The following TM9SF4 variants were observed in gnomAD, a reference collection of about 807,000 sequenced individuals.
TM9SF4 encodes the protein transmembrane 9 superfamily member 4.
In TM9SF4, 26 loss-of-function variants were observed where a neutral mutation model predicts 90.4. The observed-to-expected ratio is 0.29, with a 90% confidence interval of 0.21 to 0.40. TM9SF4 has a LOEUF of 0.40. TM9SF4 is among the 10% of genes least tolerant of loss of function. The pLI is 1.00. For missense variants in TM9SF4, 549 were observed against 834.8 expected, an observed-to-expected ratio of 0.66 and a Z score of 4.22; for synonymous variants, 293 against 315.4, an observed-to-expected ratio of 0.93 and a Z score of 0.75.
At chr20:32,133,314 T>C (rs2046547644) in intron 2 of TM9SF4, among the ~76,000 whole-genome samples, 188 bp downstream of exon 2, 1 of 152,174 alleles carries the variant, frequency 6.6e-6, no homozygotes, top group Admixed American at 6.5e-5. Flanking sequence ...GTTCTTTCTG[T>C]GTCTCTGTCC....
chr20:32,121,156 A>G (rs1369655628), intron 1 of TM9SF4, among the ~76,000 whole-genome samples: 4 of 151,152 alleles, frequency 2.6e-5, no homozygotes. Flanking sequence ...AAGTGAAAAA[A>G]GGCTATACAT....
At chr20:32,118,129 G>A (rs2046253619) in intron 1 of TM9SF4, among the ~76,000 whole-genome samples, 1 of 152,184 alleles carries the variant, frequency 6.6e-6, no homozygotes, top group South Asian at 2.1e-4. Flanking sequence ...TTGGAACAGT[G>A]TCCAGGGGTT....
intron 1 of TM9SF4, among the ~76,000 whole-genome samples, chr20:32,131,025 TGACA>T (rs1304428201): frequency 4.6e-5 from 7 of 152,036 alleles, no homozygotes; most frequent in African/African-American, 2.4e-5. Flanking sequence ...TAAAAAAAAA[TGACA>T]GAGGGAAAAA....
chr20:32,109,730 G>A lies in TM9SF4; in HGVS notation c.-11G>A. 6.4e-7 allele frequency: 1 copy of A among 1,551,632 alleles called. No homozygotes were observed. The highest frequency in any genetic ancestry group is 8.7e-7 in the Non-Finnish European group (1 of 1,146,992). Reference sequence around the variant, plus strand: ...TCCGCTGACGTCATTACGGCGACACGTGGATCCAAGATGGCGACGGCGATG... The same window carrying A: ...TCCGCTGACGTCATTACGGCGACACATGGATCCAAGATGGCGACGGCGATG... On this transcript the variant is annotated 5_prime_UTR_variant, in exon 1 of 18. In the 5' UTR this introduces an upstream ATG that the reference lacks. Coordinates refer to ENST00000398022, the MANE Select transcript of TM9SF4 (RefSeq NM_014742.4).
rs2047055112 is a variant in TM9SF4 at position 32,163,352 on chromosome 20, C to T, written c.1780-1943C>T. ...CAGGGCTCTGTGCCCACGCCTTAGC[C>T]CTGTGTATCTTTTTTTGGCCTCAGT... is the stretch of plus-strand genomic sequence containing the variant. On this transcript the variant is annotated intron_variant, in intron 17 of 17. Coordinates refer to ENST00000398022, the MANE Select transcript of TM9SF4 (RefSeq NM_014742.4). Among the ~76,000 whole-genome samples the T allele has an allele frequency of 2.7e-5, 4 of 145,772 alleles. No homozygotes were observed. In the Admixed American group the frequency reaches 2.8e-4, roughly 10 times the overall value.
At chr20:32,126,596 G>A (rs915986847) in intron 1 of TM9SF4, among the ~76,000 whole-genome samples, 1 of 152,132 alleles carries the variant, frequency 6.6e-6, no homozygotes, top group African/African-American at 2.4e-5. Context: ...GAGCATCTGG[G>A]ACCTAGTGTT....
intron 1 of TM9SF4, among the ~76,000 whole-genome samples, chr20:32,114,678 A>G (rs575909095): frequency 7.2e-5 from 11 of 152,260 alleles, no homozygotes; most frequent in African/African-American, 2.6e-4. Flanking sequence ...AGGTTGGATG[A>G]TAGAGTCCTG....
intron 3 of TM9SF4, among the ~76,000 whole-genome samples, chr20:32,140,765 A>G (rs564565949): frequency 6.6e-6 from 1 of 152,244 alleles, no homozygotes; most frequent in Admixed American, 6.5e-5. Flanking sequence ...TGCTGCCCTC[A>G]CACAGGGCAG....
intron 14 of TM9SF4, 50 bp from the exon 15 acceptor site, chr20:32,158,401 C>G: frequency 6.3e-7 from 1 of 1,593,296 alleles, no homozygotes; most frequent in Non-Finnish European, 8.6e-7. Context: ...GAGCTTGGGG[C>G]TTCCTGGTGG....
chr20:32,116,034 C>T (rs1360020832), intron 1 of TM9SF4: 1 of 151,990 alleles, frequency 6.6e-6, no homozygotes, highest in African/African-American at 2.4e-5. Flanking sequence ...GTTGGCCAGG[C>T]TGGTCTCGAA....
intron 14 of TM9SF4, 34 bp from the exon 15 acceptor site, chr20:32,158,417 T>C: frequency 2.5e-6 from 4 of 1,612,534 alleles, no homozygotes; most frequent in Non-Finnish European, 3.4e-6. Flanking sequence ...GGTGGCCTGG[T>C]CTCTAACAAT....
At chr20:32,126,068 A>AACACACACAC (rs71185382) in intron 1 of TM9SF4, among the ~76,000 whole-genome samples, 12,846 of 138,514 alleles carry the variant, frequency 0.093, 780 homozygotes, top group East Asian at 0.12. Context: ...CTTTCCCGTA[A>AACACACACAC]ACACACACAC....
At chr20:32,163,586 G>A (rs932177045) in intron 17 of TM9SF4, among the ~76,000 whole-genome samples, 1 of 150,852 alleles carries the variant, frequency 6.6e-6, no homozygotes, top group African/African-American at 2.4e-5. Flanking sequence ...AGACAGACTG[G>A]CTTAGGTCTT....
chr20:32,155,122 G>A lies in TM9SF4; in HGVS notation c.1265G>A (p.Gly422Asp). The change falls in exon 13 of 18, where the codon GGT becomes GAT. Residue 422 changes from glycine to aspartate, a missense_variant. Coordinates refer to ENST00000398022, the MANE Select transcript of TM9SF4 (RefSeq NM_014742.4). ...GAFCTATLYP[G>D]VVFGICFVLN... ...CTCCAGACGGCAACTCTGTACCCTGGTGTGGTTTTTGGCATCTGCTTCGTA... is the reference window on the plus strand; with the variant it reads ...CTCCAGACGGCAACTCTGTACCCTGATGTGGTTTTTGGCATCTGCTTCGTA... 1 of 1,614,130 alleles carries A rather than the reference G, an allele frequency of 6.2e-7. No homozygotes were observed. The highest frequency in any genetic ancestry group is 8.5e-7 in the Non-Finnish European group (1 of 1,180,020).
Position 32,167,150 on chromosome 20 carries a change from A to G in TM9SF4, c.*1706A>G, listed in dbSNP as rs920199182. ...ACACCTCATAAAGGGTTCAAAGATC[A>G]TCAATTTTTCTGACTTTTTAAATCA... On this transcript the variant is annotated 3_prime_UTR_variant, in exon 18 of 18. Transcript: ENST00000398022. 3.3e-5 allele frequency: 5 copies of G among 152,122 alleles called. No individual in the cohort carries two copies. The highest frequency in any genetic ancestry group is 1.2e-4 in the African/African-American group (5 of 41,404). The allele number at this position is 152,122 out of a possible 1,614,324, so 9.4% of individuals were successfully genotyped here.
rs141043462 is a variant in TM9SF4 at position 32,133,467 on chromosome 20, C to T, written c.129+341C>T. Among the ~76,000 whole-genome samples, 23 of 152,274 alleles carry T rather than the reference C, an allele frequency of 1.5e-4. No individual in the cohort carries two copies. In the East Asian group the frequency reaches 3.5e-3, roughly 23 times the overall value. On this transcript the variant is annotated intron_variant, in intron 2 of 17. Transcript: ENST00000398022. ...ACCTGCCTCTTCTTTAGCATCTCTGCCTCCCTTTCTCACCTGCTCCATCTT... is the reference window on the plus strand; with the variant it reads ...ACCTGCCTCTTCTTTAGCATCTCTGTCTCCCTTTCTCACCTGCTCCATCTT...
At chr20:32,143,217 G>A (rs937517339) in intron 6 of TM9SF4, 112 bp downstream of exon 6, 8 of 1,351,730 alleles carry the variant, frequency 5.9e-6, no homozygotes, top group African/African-American at 4.3e-5. Context: ...CGGGTGTGGC[G>A]TGTGGGCCCA....
At chr20:32,113,439 T>C (rs1394335961) in intron 1 of TM9SF4, among the ~76,000 whole-genome samples, 1 of 152,198 alleles carries the variant, frequency 6.6e-6, no homozygotes, top group Non-Finnish European at 1.5e-5. Context: ...AGTTACAGGA[T>C]ACAGTGTTGA....
chr20:32,110,173 C>A, intron 1 of TM9SF4: 2 of 626,142 alleles, frequency 3.2e-6, no homozygotes, highest in Non-Finnish European at 4.2e-6. Flanking sequence ...ATAACCAGTC[C>A]GCAGATGTGA....
Sources: gnomAD v4.1 joint callset for allele counts (sites outside exome capture counted in the v4.1 genomes callset) on GRCh38, gnomAD v4.1.1 for gene constraint, MANE v1.5 for transcripts, NCBI Gene and HGNC (gene_info 2026-07-23, HGNC 2026-07-21) for gene names.